Variants in SLFN11 observed in about 807,000 individuals in gnomAD.
The protein encoded by SLFN11 is schlafen family member 11.
In SLFN11, 43 loss-of-function variants were observed where a neutral mutation model predicts 53.4. The ratio of observed to expected loss-of-function variants is 0.80; its 90% CI spans 0.63 to 1.04. The LOEUF (loss-of-function observed/expected upper bound fraction) is 1.04, where lower values mean the gene tolerates loss of function less well. Among genes scored for constraint, SLFN11 ranks in the 50% least tolerant of loss-of-function variants. SLFN11 has a pLI of 0.00. For synonymous variants in SLFN11, 389 were observed against 394.7 expected (o/e 0.99, Z 0.17); for missense variants, 990 against 1,079.1 (o/e 0.92, Z 1.16).
chr17:35,369,713 A>G (rs1399265768), intron 1 of SLFN11, among the ~76,000 whole-genome samples: 1 of 152,196 alleles, frequency 6.6e-6, no homozygotes, highest in Non-Finnish European at 1.5e-5. Context: ...CAGAAATTCA[A>G]AGGATCATTA....
Position 35,353,042 on chromosome 17 carries a change from G to T in SLFN11, c.2020C>A (p.Arg674Ser). ...HIVIDEAQNF[R>S]TEDGDWYGKA... ...CCATACCAGTCCCCATCTTCAGTAC[G>T]GAAATTCTGAGCTTCGTCAATGACG... The change falls in exon 7 of 7, where the codon CGT (arginine) becomes AGT (serine). Residue 674 changes from arginine (R) to serine (S), a missense_variant. Physicochemically the swap from Arg to Ser is moderately radical, Grantham distance 110. Coordinates refer to ENST00000685675, the MANE Select transcript of SLFN11 (RefSeq NM_001376007.1). 1 of 1,614,114 alleles carries T rather than the reference G, an allele frequency of 6.2e-7. No individual in the cohort carries two copies. Among genetic ancestry groups the T allele is most frequent in the South Asian group, 1.1e-5 (1 of 91,078 alleles).
At chr17:35,366,543 T>A (rs910357960) in intron 3 of SLFN11, among the ~76,000 whole-genome samples, 4 of 151,990 alleles carry the variant, frequency 2.6e-5, no homozygotes, top group African/African-American at 4.8e-5. Flanking sequence ...TTTAAAACAA[T>A]CAGTAAATTC....
intron 5 of SLFN11, among the ~76,000 whole-genome samples, chr17:35,358,488 A>G (rs1235790347): frequency 1.3e-5 from 2 of 151,452 alleles, no homozygotes; most frequent in Non-Finnish European, 2.9e-5. Flanking sequence ...CCTGAATTTA[A>G]TAGAATGCCT....
chr17:35,360,203 A>G, intron 5 of SLFN11, 40 bp downstream of exon 5: 3 of 1,588,618 alleles, frequency 1.9e-6, no homozygotes, highest in Non-Finnish European at 1.7e-6. Flanking sequence ...TTATCCTAAT[A>G]TAGAAACTGG....
chr17:35,352,714 A>C lies in SLFN11; in HGVS notation c.2348T>G (p.Leu783Trp), dbSNP rs746598523. The C allele has an allele frequency of 6.2e-7, 1 of 1,614,174 alleles. No individual in the cohort carries two copies. Among genetic ancestry groups the C allele is most frequent in the Non-Finnish European group, 8.5e-7 (1 of 1,180,022 alleles). The change falls in exon 7 of 7, where the codon TTG becomes TGG. Residue 783 changes from leucine (L) to tryptophan (W), a missense_variant. Leu to Trp is a moderately conservative substitution (Grantham distance 61, BLOSUM62 -2). Coordinates refer to ENST00000685675, the MANE Select transcript of SLFN11 (RefSeq NM_001376007.1). ...VQGTLRIKKY[L>W]TVEQIMTCVA... is the part of the protein sequence containing the mutation. Reference sequence around the variant, plus strand: ...ACAGGTCATTATTTGCTCCACAGTCAAGTATTTCTTAATTCGTAAGGTTCC... The same window carrying C: ...ACAGGTCATTATTTGCTCCACAGTCCAGTATTTCTTAATTCGTAAGGTTCC...
In SLFN11 at chr17:35,362,893, C is replaced by T. The variant is rs1426809644; in HGVS notation, c.915G>A (p.Arg305=). ...TGCAAGCATAGCCATAGAGCTCTCC[C>T]CTTTTTAACACATTCACAATTTTGA... ...FTLKIVNVLK[R]GELYGYACMI... Residue 305 remains arginine, a synonymous_variant, in exon 4 of 7, where the codon AGG becomes AGA. Transcript: ENST00000685675. The T allele has an allele frequency of 1.9e-6, 3 of 1,613,880 alleles. No homozygotes were observed. In the Admixed American group the frequency reaches 5.0e-5, roughly 27 times the overall value.
rs533195216 is a variant in SLFN11, at chr17:35,356,112, T to G, written c.1199-2053A>C. ...AGGCCCTGACTATCTTTAGTACCAG[T>G]AACTCCAGTTATAGACAAAATTTCT... is the stretch of plus-strand genomic sequence containing the variant. On this transcript the variant is annotated intron_variant, in intron 5 of 6. Coordinates refer to ENST00000685675, the MANE Select transcript of SLFN11 (RefSeq NM_001376007.1). 9.2e-5 allele frequency among the ~76,000 whole-genome samples: 14 copies of G among 152,256 alleles called. No homozygotes were observed. The South Asian group carries it at 2.7e-3, about 29-fold the overall frequency.
Position 35,353,763 on chromosome 17 carries a change from C to G in SLFN11, c.1495G>C (p.Val499Leu). Reference protein sequence around the residue: ...RTAFTLKQKLVNMGGYTGKVC... With the variant: ...RTAFTLKQKLLNMGGYTGKVC... The stretch of plus-strand genomic sequence containing the variant: ...TTCCCGGTGTAGCCCCCCATGTTCA[C>G]TAGCTTCTGCTTCAAAGTAAAGGCG... Residue 499 changes from valine (V) to leucine (L), a missense_variant, in exon 6 of 7, where the codon GTG (valine) becomes CTG (leucine). Physicochemically the swap from Val to Leu is conservative, Grantham distance 32 (BLOSUM62 1). Transcript: ENST00000685675. The G allele has an allele frequency of 6.5e-7, 1 of 1,537,978 alleles. No individual in the cohort carries two copies. The highest frequency in any genetic ancestry group is 8.8e-7 in the Non-Finnish European group (1 of 1,139,166).
chr17:35,352,275 G>C lies in SLFN11; in HGVS notation c.*81C>G, dbSNP rs1906774105. 6.6e-6 allele frequency: 10 copies of C among 1,522,122 alleles called. No individual in the cohort carries two copies. The South Asian group carries it at 1.3e-4, about 19-fold the overall frequency. 94.3% of individuals were successfully genotyped at this position (1,522,122 alleles called of 1,614,324 possible). ...TCAGCTCCGTCCAAATCTCTGACTT[G>C]TGAACTAAAAAGAAAGGTTTCTACC... On this transcript the variant is annotated 3_prime_UTR_variant, in exon 7 of 7. Coordinates refer to ENST00000685675, the MANE Select transcript of SLFN11 (RefSeq NM_001376007.1).
chr17:35,354,178 T>C lies in SLFN11; in HGVS notation c.1199-119A>G, dbSNP rs1026727670. 39 of 773,458 alleles carry C rather than the reference T, an allele frequency of 5.0e-5. No homozygotes were observed. The African/African-American group carries it at 6.7e-4, about 13-fold the overall frequency. 47.9% of individuals were successfully genotyped at this position (773,458 alleles called of 1,614,324 possible). The stretch of plus-strand genomic sequence containing the variant: ...TTACTTATAGAAGTTTCAAATACTA[T>C]TTTATAAATATTATTATATTATAGT... On this transcript the variant is annotated intron_variant, in intron 5 of 6. Transcript: ENST00000685675.
Position 35,353,862 on chromosome 17 carries a change from G to C in SLFN11, c.1396C>G (p.Gln466Glu). 6.2e-7 allele frequency: 1 copy of C among 1,608,260 alleles called. No individual in the cohort carries two copies. Among genetic ancestry groups the C allele is most frequent in the Non-Finnish European group, 8.5e-7 (1 of 1,176,708 alleles). The change falls in exon 6 of 7, where the codon CAG becomes GAG. Residue 466 changes from glutamine (Q) to glutamate (E), a missense_variant. Gln to Glu is a conservative substitution (Grantham distance 29). Around this residue, in one of 3 missense-constraint regions of SLFN11, gnomAD observed 156 missense variants for 241.9 expected, o/e 0.64. Coordinates refer to ENST00000685675, the MANE Select transcript of SLFN11 (RefSeq NM_001376007.1). ...GVICDALLIA[Q>E]NSTPILYTIL... ...GTGTAGAGAATGGGGGTGCTGTTCT[G>C]TGCTATCAGCAGAGCATCACAGATG...
chr17:35,368,281 C>T (rs1909217243), intron 1 of SLFN11, among the ~76,000 whole-genome samples: 1 of 151,988 alleles, frequency 6.6e-6, no homozygotes, highest in Non-Finnish European at 1.5e-5. Flanking sequence ...CCTACCATCC[C>T]CCTTCTCCAG....
rs893972568 is a variant in SLFN11, at chr17:35,350,587, A to T, written c.*1769T>A. ...CTCCAAAGTCCAGGGATCTTATAAGACTAATTTATTAGTAACAACATTTAC... is the reference window on the plus strand; with the variant it reads ...CTCCAAAGTCCAGGGATCTTATAAGTCTAATTTATTAGTAACAACATTTAC... On this transcript the variant is annotated 3_prime_UTR_variant, in exon 7 of 7. Coordinates refer to ENST00000685675, the MANE Select transcript of SLFN11 (RefSeq NM_001376007.1). The T allele has an allele frequency of 2.0e-5, 3 of 152,256 alleles. No homozygotes were observed. Among genetic ancestry groups the T allele is most frequent in the African/African-American group, 7.2e-5 (3 of 41,468 alleles). The allele number at this position is 152,256 out of a possible 1,614,324, so 9.4% of individuals were successfully genotyped here.
intron 3 of SLFN11, among the ~76,000 whole-genome samples, chr17:35,366,126 G>A (rs561651987): frequency 1.3e-5 from 2 of 152,164 alleles, no homozygotes; most frequent in East Asian, 1.9e-4. Context: ...AGGTAGTCGG[G>A]GGAAAGGGTA....
intron 3 of SLFN11, among the ~76,000 whole-genome samples, chr17:35,365,557 G>C (rs543194548): frequency 7.9e-5 from 12 of 152,076 alleles, no homozygotes; most frequent in Admixed American, 6.5e-5. Context: ...GCCTCCCAAA[G>C]TGCTAGGGAT....
chr17:35,361,436 C>G (rs779120026), intron 4 of SLFN11, among the ~76,000 whole-genome samples: 11 of 151,998 alleles, frequency 7.2e-5, no homozygotes, highest in Non-Finnish European at 1.5e-4. Flanking sequence ...CACCCCTACC[C>G]CCGTGACCCT....
rs189776529 is a variant in SLFN11, at chr17:35,368,414, A to G, written c.-234-714T>C. ...TGAAAAGCAAAACCATGCTGAATCC[A>G]GCATATACCTGCCCATGGAGGCAGA... On this transcript the variant is annotated intron_variant, in intron 1 of 6. Transcript: ENST00000685675. Among the ~76,000 whole-genome samples, 7 of 152,274 alleles carry G rather than the reference A, an allele frequency of 4.6e-5. No homozygotes were observed. In the East Asian group the frequency reaches 1.3e-3, roughly 29 times the overall value.
At chr17:35,370,667 C>T (rs1909533632) in intron 1 of SLFN11, among the ~76,000 whole-genome samples, 1 of 151,934 alleles carries the variant, frequency 6.6e-6, no homozygotes, top group Non-Finnish European at 1.5e-5. Context: ...TCAGTAGCAT[C>T]TCTATATACC....
intron 5 of SLFN11, among the ~76,000 whole-genome samples, chr17:35,356,858 A>T (rs1907551639): frequency 6.6e-6 from 1 of 151,512 alleles, no homozygotes; most frequent in South Asian, 2.1e-4. Context: ...GGTTAAATGC[A>T]TTTGTGATTC....
Sources: gnomAD v4.1 joint callset for allele counts (sites outside exome capture counted in the v4.1 genomes callset) on GRCh38, gnomAD v4.1.1 for gene constraint, gnomAD v4.1.1 regional missense constraint, MANE v1.5 for transcripts, NCBI Gene and HGNC (gene_info 2026-07-23, HGNC 2026-07-21) for gene names.